CSMD1: variants seen among roughly 807,000 people sequenced by gnomAD.
The protein encoded by CSMD1 is CUB and Sushi multiple domains 1.
A neutral mutation model predicts 417.5 loss-of-function variants in CSMD1; 213 were observed. That is an observed-to-expected ratio of 0.51 (90% CI 0.46 to 0.57). The LOEUF (loss-of-function observed/expected upper bound fraction) is 0.57, where lower values mean the gene tolerates loss of function less well. Among genes scored for constraint, CSMD1 ranks in the 20% least tolerant of loss-of-function variants. CSMD1 has a pLI of 0.00. For synonymous variants in CSMD1, 2,862 were observed against 1,736.8 expected (o/e 1.65, Z -16.11); for missense variants, 6,923 against 4,529.7 (o/e 1.53, Z -15.17).
Position 3,369,259 on chromosome 8 carries a change from C to G in CSMD1, c.2894G>C (p.Gly965Ala). 1 of 1,507,030 alleles carries G rather than the reference C, an allele frequency of 6.6e-7. No homozygotes were observed. Among genetic ancestry groups the G allele is most frequent in the Non-Finnish European group, 9.2e-7 (1 of 1,084,050 alleles). The allele number at this position is 1,507,030 out of a possible 1,614,324, so 93.4% of individuals were successfully genotyped here. ...NCTWTIEVSH[G>A]KGVQMIFHTF... Reference sequence around the variant, plus strand: ...GACCTATGATAGATTCTTACCTTTCCCATGAGACACTTCAATGGTCCACGT... The same window carrying G: ...GACCTATGATAGATTCTTACCTTTCGCATGAGACACTTCAATGGTCCACGT... The change falls in exon 19 of 70, where the codon GGG becomes GCG. Residue 965 changes from glycine to alanine, a missense_variant. Coordinates refer to ENST00000635120, the MANE Select transcript of CSMD1 (RefSeq NM_033225.6).
intron 2 of CSMD1, among the ~76,000 whole-genome samples, chr8:4,566,030 C>T (rs975097797): frequency 6.6e-5 from 10 of 151,678 alleles, no homozygotes; most frequent in East Asian, 1.9e-4. Context: ...ATAACTTTAG[C>T]GAAACCTCTT....
intron 2 of CSMD1, among the ~76,000 whole-genome samples, chr8:4,625,826 C>T (rs1802071998): frequency 6.6e-6 from 1 of 152,062 alleles, no homozygotes; most frequent in African/African-American, 2.4e-5. Flanking sequence ...CAAGTTCAAG[C>T]TATTCTCATA....
At chr8:3,959,021 C>A (rs906808824) in intron 5 of CSMD1, among the ~76,000 whole-genome samples, 1 of 152,178 alleles carries the variant, frequency 6.6e-6, no homozygotes, top group Non-Finnish European at 1.5e-5. Flanking sequence ...TACTCTGCGG[C>A]GGCTTCTCCA....
rs182169590 is a variant in CSMD1, at chr8:4,239,347, G to T, written c.415+180606C>A. 1.0e-3 allele frequency among the ~76,000 whole-genome samples: 155 copies of T among 152,278 alleles called. 1 individual carries two copies. Among genetic ancestry groups the T allele is most frequent in the African/African-American group, 3.5e-3 (144 of 41,552 alleles). On this transcript the variant is annotated intron_variant, in intron 3 of 69. Transcript: ENST00000635120. ...GAAGATTCCTCTGCCCTTCAACCTT[G>T]GTGGAACTGCCAATGAAGCTGTTTT...
At chr8:4,741,169 A>C (rs560771469) in intron 1 of CSMD1, among the ~76,000 whole-genome samples, 1 of 152,256 alleles carries the variant, frequency 6.6e-6, no homozygotes, top group South Asian at 2.1e-4. Flanking sequence ...CACACTAGAC[A>C]CTTATGTAAG....
At chr8:4,284,066 C>G (rs1796930726) in intron 3 of CSMD1, among the ~76,000 whole-genome samples, 4 of 152,104 alleles carry the variant, frequency 2.6e-5, no homozygotes, top group Admixed American at 2.0e-4. Context: ...AACCTGGTCT[C>G]TACTAAAAAT....
chr8:3,136,445 A>C (rs1423621641), intron 41 of CSMD1, among the ~76,000 whole-genome samples: 9 of 152,006 alleles, frequency 5.9e-5, no homozygotes, highest in Non-Finnish European at 1.2e-4. Context: ...TTGTATTTTT[A>C]GTAGAAACGG....
rs1563333100 is a variant in CSMD1, at chr8:3,384,735, T to C, written c.2782+2759A>G. ...ATATATTTATAATATTTATATATATTATATAAATATATATTTATATAAATT... is the reference window on the plus strand; with the variant it reads ...ATATATTTATAATATTTATATATATCATATAAATATATATTTATATAAATT... On this transcript the variant is annotated intron_variant, in intron 18 of 69. Transcript: ENST00000635120. Among the ~76,000 whole-genome samples, 4 of 123,504 alleles carry C rather than the reference T, an allele frequency of 3.2e-5. No individual in the cohort carries two copies. In the East Asian group the frequency reaches 6.6e-4, roughly 20 times the overall value. The allele number at this position is 123,504 out of a possible 152,430, so 81.0% of individuals were successfully genotyped here.
chr8:4,074,625 G>C (rs1339407292), intron 3 of CSMD1, among the ~76,000 whole-genome samples: 1 of 151,980 alleles, frequency 6.6e-6, no homozygotes, highest in African/African-American at 2.4e-5. Context: ...CATTTGGGCA[G>C]AACTCACTTT....
chr8:4,339,155 A>G (rs1446632318), intron 3 of CSMD1, among the ~76,000 whole-genome samples: 1 of 152,122 alleles, frequency 6.6e-6, no homozygotes, highest in Non-Finnish European at 1.5e-5. Flanking sequence ...ATCAGCTATG[A>G]AAATAAATTC....
intron 3 of CSMD1, among the ~76,000 whole-genome samples, chr8:4,292,068 A>G (rs1447768741): frequency 6.6e-6 from 1 of 152,158 alleles, no homozygotes; most frequent in Non-Finnish European, 1.5e-5. Context: ...TGATCATTCA[A>G]TGAAAACACC....
intron 2 of CSMD1, among the ~76,000 whole-genome samples, chr8:4,497,750 A>C (rs1802051557): frequency 6.6e-6 from 1 of 152,216 alleles, no homozygotes; most frequent in Admixed American, 6.5e-5. Flanking sequence ...AGCTCCCCGA[A>C]ACAATTCTGC....
chr8:3,127,898 T>TGAAGGAAGGAATGAAGGAAGGAAG (rs1817591060), intron 41 of CSMD1: 1 of 90,114 alleles, frequency 1.1e-5, no homozygotes, highest in African/African-American at 4.3e-5. Flanking sequence ...GAGGGAGGAA[T>TGAAGGAAGGAATGAAGGAAGGAAG]GAAGGAAGGA....
chr8:4,953,631 G>A (rs949343681), intron 1 of CSMD1, among the ~76,000 whole-genome samples: 6 of 152,098 alleles, frequency 3.9e-5, no homozygotes, highest in Admixed American at 3.9e-4. Flanking sequence ...AATACTCATA[G>A]AAATACACAG....
intron 40 of CSMD1, among the ~76,000 whole-genome samples, chr8:3,143,058 T>C (rs1414188333): frequency 6.6e-6 from 1 of 152,212 alleles, no homozygotes; most frequent in Non-Finnish European, 1.5e-5. Context: ...GTTGTGATCA[T>C]CTGTTACATC....
chr8:3,970,886 G>C (rs887349279), intron 5 of CSMD1, among the ~76,000 whole-genome samples: 1 of 152,016 alleles, frequency 6.6e-6, no homozygotes, highest in African/African-American at 2.4e-5. Flanking sequence ...TGAGTAGCTG[G>C]GATTACAGGT....
intron 3 of CSMD1, among the ~76,000 whole-genome samples, chr8:4,184,628 T>G (rs948192115): frequency 2.0e-5 from 3 of 151,936 alleles, no homozygotes; most frequent in Non-Finnish European, 4.4e-5. Context: ...AATCAAATGT[T>G]CTCATTTATA....
At chr8:3,274,742 G>T (rs1157754602) in intron 26 of CSMD1, among the ~76,000 whole-genome samples, 1 of 152,092 alleles carries the variant, frequency 6.6e-6, no homozygotes, top group Non-Finnish European at 1.5e-5. Context: ...GAGAGACTAG[G>T]ATTGCAACCC....
chr8:4,530,009 G>A (rs1260198223), intron 2 of CSMD1, among the ~76,000 whole-genome samples: 1 of 151,908 alleles, frequency 6.6e-6, no homozygotes, highest in Non-Finnish European at 1.5e-5. Context: ...CCGCCTTCCG[G>A]GTTCATGCCA....
Sources: gnomAD v4.1 joint callset for allele counts (sites outside exome capture counted in the v4.1 genomes callset) on GRCh38, gnomAD v4.1.1 for gene constraint, MANE v1.5 for transcripts, NCBI Gene and HGNC (gene_info 2026-07-23, HGNC 2026-07-21) for gene names.